Variants in NAV2 observed in about 807,000 individuals in gnomAD.
The protein encoded by NAV2 is neuron navigator 2, also known as helicase, APC down-regulated 1.
A neutral mutation model predicts 223.2 loss-of-function variants in NAV2; 54 were observed. The ratio of observed to expected loss-of-function variants is 0.24; its 90% CI spans 0.19 to 0.30. NAV2 has a LOEUF of 0.30. NAV2 is among the 10% of genes least tolerant of loss of function. NAV2 has a pLI of 1.00. For missense variants in NAV2, 2,806 were observed against 3,147.5 expected, an observed-to-expected ratio of 0.89 and a Z score of 2.60; for synonymous variants, 1,279 against 1,239.3, an observed-to-expected ratio of 1.03 and a Z score of -0.67.
intron 27 of NAV2, among the ~76,000 whole-genome samples, chr11:20,091,916 C>G (rs1438793824): frequency 6.6e-6 from 1 of 152,140 alleles, no homozygotes; most frequent in African/African-American, 2.4e-5. Flanking sequence ...TTGCACAAAC[C>G]TCTTAGATCA....
intron 6 of NAV2, among the ~76,000 whole-genome samples, chr11:19,925,810 C>T (rs1001483299): frequency 3.3e-5 from 5 of 151,510 alleles, no homozygotes; most frequent in African/African-American, 1.2e-4. Context: ...CCAGTTTTTC[C>T]ACCACCATTT....
At chr11:19,356,915 G>T (rs1403929607) in intron 1 of NAV2, among the ~76,000 whole-genome samples, 2 of 152,112 alleles carry the variant, frequency 1.3e-5, no homozygotes, top group African/African-American at 4.8e-5. Flanking sequence ...GGTTATTTTT[G>T]GTCCTTAAAG....
intron 1 of NAV2, among the ~76,000 whole-genome samples, chr11:19,548,485 G>A (rs1305574948): frequency 6.6e-6 from 1 of 152,146 alleles, no homozygotes; most frequent in East Asian, 1.9e-4. Flanking sequence ...TTACTGGAAA[G>A]GGGGGAGTTT....
intron 1 of NAV2, among the ~76,000 whole-genome samples, chr11:19,522,993 A>G (rs2043719192): frequency 6.6e-6 from 1 of 152,348 alleles, no homozygotes; most frequent in African/African-American, 2.4e-5. Flanking sequence ...ACAAGGCATG[A>G]GGCCATCTCC....
At chr11:19,732,056 C>T (rs2051826263) in intron 1 of NAV2, among the ~76,000 whole-genome samples, 1 of 152,086 alleles carries the variant, frequency 6.6e-6, no homozygotes, top group African/African-American at 2.4e-5. Context: ...TGAGACCAGC[C>T]TGGCCAACAT....
At chr11:19,446,874 G>T (rs1851603523) in intron 1 of NAV2, among the ~76,000 whole-genome samples, 1 of 152,196 alleles carries the variant, frequency 6.6e-6, no homozygotes, top group South Asian at 2.1e-4. Context: ...GATGTAGCCT[G>T]GGACCAGGGA....
intron 1 of NAV2, among the ~76,000 whole-genome samples, chr11:19,513,898 A>C (rs2043356695): frequency 6.6e-6 from 1 of 152,188 alleles, no homozygotes; most frequent in African/African-American, 2.4e-5. Flanking sequence ...CTTGATGGCC[A>C]CTACCAGAAG....
At chr11:19,379,725 C>T (rs150894713) in intron 1 of NAV2, among the ~76,000 whole-genome samples, 48 of 152,308 alleles carry the variant, frequency 3.2e-4, no homozygotes, top group Admixed American at 9.8e-4. Context: ...CTCTATTTCA[C>T]GTCAGACTGC....
intron 1 of NAV2, among the ~76,000 whole-genome samples, chr11:19,396,714 C>T (rs555007650): frequency 2.0e-5 from 3 of 152,220 alleles, no homozygotes; most frequent in East Asian, 3.9e-4. Context: ...TGGAGTGGTC[C>T]GTGGGGCCTC....
chr11:19,518,198 C>T (rs950525070), intron 1 of NAV2, among the ~76,000 whole-genome samples: 3 of 152,242 alleles, frequency 2.0e-5, no homozygotes, highest in African/African-American at 7.2e-5. Context: ...TTCATTCAGT[C>T]ATTCAGCCAT....
intron 3 of NAV2, among the ~76,000 whole-genome samples, chr11:19,848,487 T>A (rs1228714879): frequency 1.3e-5 from 2 of 152,192 alleles, no homozygotes; most frequent in Admixed American, 6.5e-5. Context: ...GAAGTCGGAT[T>A]AGGTCTTACC....
At chr11:19,860,195 G>T (rs1394935674) in intron 3 of NAV2, among the ~76,000 whole-genome samples, 25 of 143,648 alleles carry the variant, frequency 1.7e-4, no homozygotes, top group African/African-American at 3.1e-4. Context: ...CCTCCCAGAC[G>T]GGGTGGCTGC....
chr11:19,650,046 T>A (rs1262708198), intron 1 of NAV2, among the ~76,000 whole-genome samples: 1 of 152,260 alleles, frequency 6.6e-6, no homozygotes, highest in Non-Finnish European at 1.5e-5. Context: ...GTTAAGCATA[T>A]ACTTACCATA....
chr11:19,598,958 C>A (rs779965174), intron 1 of NAV2, among the ~76,000 whole-genome samples: 4 of 152,156 alleles, frequency 2.6e-5, no homozygotes, highest in South Asian at 2.1e-4. Flanking sequence ...AGCTTCCCCC[C>A]ATTTGAAATG....
At chr11:19,801,613 C>A (rs2058263346) in intron 1 of NAV2, among the ~76,000 whole-genome samples, 1 of 152,154 alleles carries the variant, frequency 6.6e-6, no homozygotes, top group Non-Finnish European at 1.5e-5. Context: ...GATCATGAGC[C>A]AGGCTAACAC....
At chr11:19,398,505 C>T (rs561685350) in intron 1 of NAV2, among the ~76,000 whole-genome samples, 2 of 152,250 alleles carry the variant, frequency 1.3e-5, no homozygotes, top group South Asian at 4.1e-4. Flanking sequence ...GGCTTTCCCA[C>T]GTACCATGCT....
At chr11:19,564,067 C>A (rs2045184994) in intron 1 of NAV2, among the ~76,000 whole-genome samples, 2 of 152,234 alleles carry the variant, frequency 1.3e-5, no homozygotes, top group Non-Finnish European at 2.9e-5. Context: ...GCAGCCTCTG[C>A]AATCAGGAGC....
At chr11:19,941,365 A>G (rs1262940181) in intron 8 of NAV2, among the ~76,000 whole-genome samples, 1 of 151,038 alleles carries the variant, frequency 6.6e-6, no homozygotes, top group East Asian at 2.0e-4. Context: ...AAAATTCCTT[A>G]TCAGGGTGAC....
rs75272001 is a variant in NAV2, at chr11:19,953,375, C to G, written c.2645+4295C>G. 5.3e-3 allele frequency among the ~76,000 whole-genome samples: 800 copies of G among 152,322 alleles called. 7 individuals are homozygous for G. The highest frequency in any genetic ancestry group is 0.016 in the African/African-American group (650 of 41,582). On this transcript the variant is annotated intron_variant, in intron 10 of 37. Coordinates refer to ENST00000349880, the MANE Select transcript of NAV2 (RefSeq NM_145117.5). ...GCTGACTTGCCCCCGGCCACATTTC[C>G]CTTCACACACTCCAGACTTCCCACT...
Sources: gnomAD v4.1 joint callset for allele counts (sites outside exome capture counted in the v4.1 genomes callset) on GRCh38, gnomAD v4.1.1 for gene constraint, MANE v1.5 for transcripts, NCBI Gene and HGNC (gene_info 2026-07-23, HGNC 2026-07-21) for gene names.